The following SLC27A6 variants were observed in gnomAD, a reference collection of about 807,000 sequenced individuals.
SLC27A6 encodes solute carrier family 27 member 6.
Under a neutral mutation model 63.9 loss-of-function variants are expected in SLC27A6, and 74 were observed. The observed-to-expected ratio is 1.16, with a 90% confidence interval of 0.96 to 1.40. The LOEUF is 1.40. Ranked by LOEUF, SLC27A6 falls within the 40% of genes most tolerant of loss-of-function variation. The pLI is 0.00. For synonymous variants in SLC27A6, 287 were observed against 260.8 expected, an observed-to-expected ratio of 1.10 and a Z score of -0.97; for missense variants, 794 against 732.9, an observed-to-expected ratio of 1.08 and a Z score of -0.96.
At position 128,966,168 on chromosome 5, in the gene SLC27A6, G is replaced by T; in HGVS notation, c.31G>T (p.Ala11Ser). The change falls in exon 1 of 10, where the codon GCT becomes TCT. Residue 11 changes from alanine to serine, a missense_variant. Transcript: ENST00000262462. ...TCTGTCATGGCTAACAGTTCTAGGG[G>T]CTGGAATGGTCGTCCTGCACTTCTT... Reference protein sequence around the residue: MLLSWLTVLGAGMVVLHFLQK... With the variant: MLLSWLTVLGSGMVVLHFLQK... 1 of 1,573,798 alleles carries T rather than the reference G, an allele frequency of 6.4e-7. No individual in the cohort carries two copies. The highest frequency in any genetic ancestry group is 1.2e-5 in the South Asian group (1 of 82,196).
intron 4 of SLC27A6, among the ~76,000 whole-genome samples, chr5:129,009,053 G>A (rs1486796339): frequency 2.0e-5 from 3 of 151,928 alleles, no homozygotes; most frequent in Admixed American, 2.0e-4. Context: ...TTTTAGTGGA[G>A]GCAGGGTTTC....
chr5:128,976,979 A>G (rs978268743), intron 1 of SLC27A6, among the ~76,000 whole-genome samples: 4 of 152,212 alleles, frequency 2.6e-5, no homozygotes, highest in Admixed American at 2.6e-4. Context: ...GGTGCCTACT[A>G]TGTCTAAAGT....
chr5:129,005,674 C>G (rs1331137881), intron 4 of SLC27A6, among the ~76,000 whole-genome samples: 1 of 139,854 alleles, frequency 7.2e-6, no homozygotes, highest in Non-Finnish European at 1.5e-5. Flanking sequence ...GTGCAGTGGC[C>G]TGATCTCGGC....
At chr5:129,023,844 A>G (rs1188742364) in intron 6 of SLC27A6, 134 bp downstream of exon 6, 3 of 637,322 alleles carry the variant, frequency 4.7e-6, no homozygotes, top group Non-Finnish European at 8.3e-6. Context: ...TTTGCTCCTT[A>G]TATAAAATGA....
chr5:129,030,098 G>T (rs1427727378), intron 9 of SLC27A6, among the ~76,000 whole-genome samples: 1 of 151,958 alleles, frequency 6.6e-6, no homozygotes, highest in East Asian at 1.9e-4. Context: ...GAACCTAAAG[G>T]CATCTGGCTT....
intron 1 of SLC27A6, among the ~76,000 whole-genome samples, chr5:128,972,040 A>G (rs983090034): frequency 1.3e-5 from 2 of 152,284 alleles, no homozygotes; most frequent in South Asian, 4.1e-4. Flanking sequence ...TTGGCTGGAT[A>G]TGAAATTCTG....
intron 4 of SLC27A6, among the ~76,000 whole-genome samples, chr5:129,010,608 T>A (rs1315969083): frequency 6.6e-6 from 1 of 152,186 alleles, no homozygotes; most frequent in Non-Finnish European, 1.5e-5. Context: ...GTGGAAGAAC[T>A]GGAGAGAGGC....
chr5:129,017,124 A>G (rs1751924158), intron 5 of SLC27A6, among the ~76,000 whole-genome samples: 1 of 152,192 alleles, frequency 6.6e-6, no homozygotes, highest in African/African-American at 2.4e-5. Flanking sequence ...AAGACCCTGC[A>G]TCTAACTACT....
At chr5:129,008,850 T>A (rs1389534354) in intron 4 of SLC27A6, among the ~76,000 whole-genome samples, 2 of 151,574 alleles carry the variant, frequency 1.3e-5, no homozygotes, top group Non-Finnish European at 2.9e-5. Flanking sequence ...TTGGCTATCT[T>A]ATTATTTTCA....
intron 1 of SLC27A6, among the ~76,000 whole-genome samples, chr5:128,977,185 C>T (rs1004081664): frequency 1.3e-5 from 2 of 152,220 alleles, no homozygotes; most frequent in African/African-American, 4.8e-5. Flanking sequence ...GCCATTCATT[C>T]ACTCATTCAT....
At position 129,029,620 on chromosome 5, in the gene SLC27A6, A is replaced by G; in HGVS notation, c.1596A>G (p.Pro532=). The change falls in exon 9 of 10, where the codon CCA becomes CCG. Residue 532 remains proline, a synonymous_variant. Transcript: ENST00000262462. ...GAATGGCTTCTATTATTTTAAAACC[A>G]AATACATCTTTAGATTTGGAAAAAG... ...RAGMASIILK[P]NTSLDLEKVY... 6.3e-7 allele frequency: 1 copy of G among 1,599,826 alleles called. No individual in the cohort carries two copies. The highest frequency in any genetic ancestry group is 8.5e-7 in the Non-Finnish European group (1 of 1,173,328).
chr5:128,983,690 G>A (rs1342331833), intron 1 of SLC27A6, among the ~76,000 whole-genome samples: 2 of 152,062 alleles, frequency 1.3e-5, no homozygotes, highest in African/African-American at 4.8e-5. Flanking sequence ...GTTAGTCTAT[G>A]GTTAGATTAC....
chr5:128,990,809 C>T lies in SLC27A6; in HGVS notation c.969+345C>T, dbSNP rs548065425. ...TCAGCTGGATTAGGACGAACCTGGGCACTTAGCCATTCAGGAACAATGGCG... is the reference window on the plus strand; with the variant it reads ...TCAGCTGGATTAGGACGAACCTGGGTACTTAGCCATTCAGGAACAATGGCG... On this transcript the variant is annotated intron_variant, in intron 4 of 9. Transcript: ENST00000262462. Among the ~76,000 whole-genome samples the T allele has an allele frequency of 1.5e-3, 234 of 152,274 alleles. 1 individual carries two copies. Among genetic ancestry groups the T allele is most frequent in the African/African-American group, 5.4e-3 (223 of 41,558 alleles).
At chr5:129,029,163 C>T (rs912391394) in intron 8 of SLC27A6, among the ~76,000 whole-genome samples, 1 of 151,966 alleles carries the variant, frequency 6.6e-6, no homozygotes, top group Non-Finnish European at 1.5e-5. Flanking sequence ...TATGGAAATA[C>T]GAGTTTCTAG....
Position 128,965,680 on chromosome 5 carries a change from T to C in SLC27A6, c.-458T>C, listed in dbSNP as rs1749855458. The C allele has an allele frequency of 6.4e-6, 1 of 156,926 alleles. No homozygotes were observed. 9.7% of individuals were successfully genotyped at this position (156,926 alleles called of 1,614,324 possible). A position where few individuals can be genotyped will look rare whatever the true frequency, so the allele number is the denominator to read the frequency against. ...GAGAAAAGCTTCTGTCCCTGGACCTTCTTCTGAGGGTGGTGAGGTTTGTTT... is the reference window on the plus strand; with the variant it reads ...GAGAAAAGCTTCTGTCCCTGGACCTCCTTCTGAGGGTGGTGAGGTTTGTTT... On this transcript the variant is annotated 5_prime_UTR_variant, in exon 1 of 10. Transcript: ENST00000262462.
intron 1 of SLC27A6, among the ~76,000 whole-genome samples, chr5:128,979,604 C>T (rs1376382231): frequency 6.6e-6 from 1 of 152,118 alleles, no homozygotes. Flanking sequence ...TGCAACATGC[C>T]TTCTTGTGCC....
At chr5:129,012,854 C>G (rs1358757455) in intron 4 of SLC27A6, among the ~76,000 whole-genome samples, 2 of 151,890 alleles carry the variant, frequency 1.3e-5, no homozygotes, top group African/African-American at 2.4e-5. Flanking sequence ...TTTTCATAAA[C>G]AGGATATAGT....
In SLC27A6 at chr5:128,985,237, A is replaced by T; in HGVS notation, c.586A>T (p.Lys196Ter). The change falls in exon 2 of 10, where the codon AAA (lysine) becomes TAA (stop). Residue 196 changes from lysine to a stop codon, truncating the protein, a stop_gained. Coordinates refer to ENST00000262462, the MANE Select transcript of SLC27A6 (RefSeq NM_001017372.3). LOFTEE classifies it high-confidence loss of function. ...VPQGVISLKE[K>*]LSTSPDEPVP... ...ACAAGGTGTAATTTCACTCAAAGAA[A>T]AACTGAGCACCTCACCTGATGAGCC... is the stretch of plus-strand genomic sequence containing the variant. 2 of 1,614,062 alleles carry T rather than the reference A, an allele frequency of 1.2e-6. No homozygotes were observed. Among genetic ancestry groups the T allele is most frequent in the Non-Finnish European group, 1.7e-6 (2 of 1,179,990 alleles).
intron 6 of SLC27A6, among the ~76,000 whole-genome samples, chr5:129,025,409 A>C (rs1304664106): frequency 6.6e-6 from 1 of 152,104 alleles, no homozygotes; most frequent in Non-Finnish European, 1.5e-5. Flanking sequence ...GACAGAATAT[A>C]TCACAGAGGT....
Sources: allele counts gnomAD v4.1 joint callset (sites outside exome capture counted in the v4.1 genomes callset), GRCh38; gene constraint gnomAD v4.1.1; transcripts MANE v1.5; gene names NCBI Gene and HGNC (gene_info 2026-07-23, HGNC 2026-07-21).